Variants in CCDC171 observed in about 807,000 individuals in gnomAD.
CCDC171 encodes coiled-coil domain containing 171, also known as coiled-coil domain-containing protein 171.
Under a neutral mutation model 168.2 loss-of-function variants are expected in CCDC171, and 177 were observed. The observed-to-expected ratio is 1.05, with a 90% CI of 0.93 to 1.19. The LOEUF (loss-of-function observed/expected upper bound fraction) is 1.19. Ranked by LOEUF, CCDC171 falls within the 50% of genes most tolerant of loss-of-function variation. CCDC171 has a pLI of 0.00. For missense variants in CCDC171, 1,991 were observed against 1,539.0 expected, an observed-to-expected ratio of 1.29 and a Z score of -4.91; for synonymous variants, 687 against 540.8, an observed-to-expected ratio of 1.27 and a Z score of -3.75.
rs141650493 is a variant in CCDC171 at position 15,724,874 on chromosome 9, A to T, written c.1590A>T (p.Glu530Asp). ...REALISTLKVELQNVLHCWEK... is the reference protein window; with the variant it reads ...REALISTLKVDLQNVLHCWEK... ...CTTTAATAAGCACTTTAAAAGTGGAACTACAAAATGTGCTGCACTGTTGGG... is the reference window on the plus strand; with the variant it reads ...CTTTAATAAGCACTTTAAAAGTGGATCTACAAAATGTGCTGCACTGTTGGG... The change falls in exon 14 of 26, where the codon GAA becomes GAT. Residue 530 changes from glutamate to aspartate, a missense_variant. Coordinates refer to ENST00000380701, the MANE Select transcript of CCDC171 (RefSeq NM_173550.4). 1 of 1,613,678 alleles carries T rather than the reference A, an allele frequency of 6.2e-7. No homozygotes were observed. Among genetic ancestry groups the T allele is most frequent in the African/African-American group, 1.3e-5 (1 of 74,900 alleles).
chr9:15,828,857 T>C (rs2060120010), intron 21 of CCDC171, among the ~76,000 whole-genome samples: 1 of 152,234 alleles, frequency 6.6e-6, no homozygotes, highest in Non-Finnish European at 1.5e-5. Context: ...ATAGCTTATG[T>C]TGATGGAAAA....
intron 25 of CCDC171, among the ~76,000 whole-genome samples, chr9:15,956,249 G>T (rs1320288260): frequency 6.6e-6 from 1 of 152,214 alleles, no homozygotes; most frequent in Non-Finnish European, 1.5e-5. Context: ...TGGTCTAACT[G>T]TGCTTTGCCT....
chr9:15,777,577 C>G (rs777382059), intron 18 of CCDC171, 23 bp from the exon 19 acceptor site: 8 of 1,472,916 alleles, frequency 5.4e-6, no homozygotes, highest in Non-Finnish European at 7.5e-6. Flanking sequence ...CATTTTTGTG[C>G]CTTTTTTTCT....
At chr9:15,613,555 G>A (rs1393342307) in intron 6 of CCDC171, among the ~76,000 whole-genome samples, 9 of 140,304 alleles carry the variant, frequency 6.4e-5, no homozygotes, top group South Asian at 2.2e-4. Context: ...ATGGAGTCTC[G>A]CTCTGTCGCC....
At chr9:15,713,790 T>G (rs907041948) in intron 11 of CCDC171, among the ~76,000 whole-genome samples, 3 of 151,864 alleles carry the variant, frequency 2.0e-5, no homozygotes, top group Non-Finnish European at 4.4e-5. Flanking sequence ...TTCAGAATGA[T>G]GCCATCAATT....
intron 25 of CCDC171, among the ~76,000 whole-genome samples, chr9:15,944,885 T>TTTCTTTCC (rs1828158065): frequency 6.6e-6 from 1 of 151,414 alleles, no homozygotes; most frequent in Non-Finnish European, 1.5e-5. Flanking sequence ...TCTTTCTTTC[T>TTTCTTTCC]TTTTTATCAT....
chr9:15,701,094 T>C (rs192064346), intron 11 of CCDC171, among the ~76,000 whole-genome samples: 118 of 152,258 alleles, frequency 7.7e-4, no homozygotes, highest in African/African-American at 2.7e-3. Context: ...GTTTGGGTGT[T>C]TTTTTGCTGT....
At chr9:16,082,105 A>G in the CCDC171 span, among the ~76,000 whole-genome samples, 1 of 152,204 alleles carries the variant, frequency 6.6e-6, no homozygotes, top group Non-Finnish European at 1.5e-5. Flanking sequence ...GGAAATATTT[A>G]GTTTTGGGGG....
rs181755933 is a variant in CCDC171 at position 16,036,821 on chromosome 9, G to T, written n.1181+615G>T. Among the ~76,000 whole-genome samples, 8 of 143,334 alleles carry T rather than the reference G, an allele frequency of 5.6e-5. No individual in the cohort carries two copies. In the East Asian group the frequency reaches 1.7e-3, roughly 31 times the overall value. 94.0% of individuals were successfully genotyped at this position (143,334 alleles called of 152,430 possible). A position where few individuals can be genotyped will look rare whatever the true frequency, so the allele number is the denominator to read the frequency against. ...TGAGATGAGATATTGACATAAACAT[G>T]TGATTCTATACTATTCAGCCATAAA... is the stretch of plus-strand genomic sequence containing the variant. On this transcript the variant is annotated intron_variant and non_coding_transcript_variant, in intron 8 of 9. Coordinates refer to the CCDC171 transcript ENST00000486641.
intron 8 of CCDC171, among the ~76,000 whole-genome samples, chr9:15,658,402 G>A (rs2048090660): frequency 6.6e-6 from 1 of 152,142 alleles, no homozygotes; most frequent in African/African-American, 2.4e-5. Context: ...AAGAGATGAT[G>A]AACACCTGAA....
At chr9:16,076,760 A>T in the CCDC171 span, among the ~76,000 whole-genome samples, 1 of 152,236 alleles carries the variant, frequency 6.6e-6, no homozygotes, top group African/African-American at 2.4e-5. Flanking sequence ...AACCCTGACA[A>T]GTCCACTCTG....
intron 11 of CCDC171, among the ~76,000 whole-genome samples, chr9:15,715,446 G>C (rs1397077779): frequency 6.6e-6 from 1 of 152,124 alleles, no homozygotes; most frequent in East Asian, 1.9e-4. Flanking sequence ...AATGAAAACA[G>C]AATTTTCTTA....
Position 15,724,956 on chromosome 9 carries a change from G to C in CCDC171, c.1672G>C (p.Ala558Pro). 1 of 1,613,772 alleles carries C rather than the reference G, an allele frequency of 6.2e-7. No homozygotes were observed. Among genetic ancestry groups the C allele is most frequent in the East Asian group, 2.2e-5 (1 of 44,854 alleles). Residue 558 changes from alanine (A) to proline (P), a missense_variant, in exon 14 of 26, where the codon GCT (alanine) becomes CCT (proline). Transcript: ENST00000380701. ...SESELQKLSQAFHKDAEEKLT... is the reference protein window; with the variant it reads ...SESELQKLSQPFHKDAEEKLT... ...AAGTGAACTGCAGAAGCTTTCCCAG[G>C]CTTTCCATAAGGATGCAGAGGTATT...
intron 23 of CCDC171, among the ~76,000 whole-genome samples, chr9:15,860,400 C>G (rs575865941): frequency 6.6e-6 from 1 of 151,618 alleles, no homozygotes; most frequent in South Asian, 2.1e-4. Flanking sequence ...GTGTTTACTG[C>G]TGTATGTTTC....
At chr9:15,635,157 G>T (rs2046105090) in intron 7 of CCDC171, among the ~76,000 whole-genome samples, 1 of 152,164 alleles carries the variant, frequency 6.6e-6, no homozygotes, top group African/African-American at 2.4e-5. Context: ...ATCACAAGTT[G>T]AAGTTCCACA....
intron 24 of CCDC171, among the ~76,000 whole-genome samples, chr9:15,907,719 G>T (rs1311243611): frequency 6.6e-6 from 1 of 152,112 alleles, no homozygotes; most frequent in Non-Finnish European, 1.5e-5. Context: ...GAGTGAACAG[G>T]CAACCTACAG....
At chr9:15,714,267 G>A (rs1254540853) in intron 11 of CCDC171, among the ~76,000 whole-genome samples, 1 of 152,146 alleles carries the variant, frequency 6.6e-6, no homozygotes, top group Non-Finnish European at 1.5e-5. Context: ...AAAAGTTCCA[G>A]TGATTTCCTC....
rs192229945 is a variant in CCDC171, at chr9:15,793,834, A to T, written c.3267+9140A>T. Among the ~76,000 whole-genome samples the T allele has an allele frequency of 5.0e-3, 767 of 152,136 alleles. 9 individuals carry two copies. Among genetic ancestry groups the T allele is most frequent in the African/African-American group, 0.017 (718 of 41,514 alleles). On this transcript the variant is annotated intron_variant, in intron 21 of 25. Coordinates refer to ENST00000380701, the MANE Select transcript of CCDC171 (RefSeq NM_173550.4). The stretch of plus-strand genomic sequence containing the variant: ...AGTGCTGGGATTATTGATGTGACAG[A>T]TATATTAATCTTATATGCAGCCACA...
Position 15,643,222 on chromosome 9 carries a change from C to CT in CCDC171, c.823-13897dup, listed in dbSNP as rs533009028. ...GGCTATTTCCTTGTGACTGGCTAGA[C>CT]TTTTTTTTGACTTACAGAAACTAAA... On this transcript the variant is annotated intron_variant, in intron 7 of 25. Coordinates refer to ENST00000380701, the MANE Select transcript of CCDC171 (RefSeq NM_173550.4). Among the ~76,000 whole-genome samples the CT allele has an allele frequency of 3.8e-3, 584 of 151,766 alleles. 8 individuals carry two copies. The highest frequency in any genetic ancestry group is 0.014 in the African/African-American group (562 of 41,400).
Sources: allele counts gnomAD v4.1 joint callset (sites outside exome capture counted in the v4.1 genomes callset), GRCh38; gene constraint gnomAD v4.1.1; transcripts MANE v1.5; gene names NCBI Gene and HGNC (gene_info 2026-07-23, HGNC 2026-07-21).